ANKRD30B: variants seen among roughly 807,000 people sequenced by gnomAD.
ANKRD30B encodes the protein ankyrin repeat domain 30B.
Under a neutral mutation model 202.2 loss-of-function variants are expected in ANKRD30B, and 144 were observed. The ratio of observed to expected loss-of-function variants is 0.71; its 90% CI spans 0.62 to 0.82. The LOEUF is 0.82. ANKRD30B is among the 40% of genes least tolerant of loss of function. ANKRD30B has a pLI of 0.00. For synonymous variants in ANKRD30B, 508 were observed against 561.3 expected (o/e 0.91, Z 1.34); for missense variants, 1,487 against 1,669.1 (o/e 0.89, Z 1.90).
chr18:14,895,119 C>CTTTATAT, the ANKRD30B span, among the ~76,000 whole-genome samples: 1 of 147,400 alleles, frequency 6.8e-6, no homozygotes, highest in Non-Finnish European at 1.5e-5. Flanking sequence ...ATGGCAACAA[C>CTTTATAT]TGACACTGGG....
chr18:14,900,290 C>T, the ANKRD30B span, among the ~76,000 whole-genome samples: 1 of 152,092 alleles, frequency 6.6e-6, no homozygotes, highest in Non-Finnish European at 1.5e-5. Flanking sequence ...ACTCCTTTCT[C>T]TTATTTGTCA....
At chr18:14,763,615 G>T in intron 6 of ANKRD30B, 71 bp from the exon 7 acceptor site, 2 of 1,569,056 alleles carry the variant, frequency 1.3e-6, no homozygotes, top group Non-Finnish European at 1.7e-6. Context: ...ATAAGTAGAA[G>T]TTTGCCAGGT....
chr18:14,754,547 T>C (rs925509954), intron 3 of ANKRD30B, among the ~76,000 whole-genome samples: 8 of 152,122 alleles, frequency 5.3e-5, no homozygotes, highest in Non-Finnish European at 8.8e-5. Flanking sequence ...ACTCATTTAG[T>C]CAAAAACAAA....
chr18:14,796,267 G>T lies in ANKRD30B; in HGVS notation c.1854+18G>T, dbSNP rs542005142. 4 of 1,608,324 alleles carry T rather than the reference G, an allele frequency of 2.5e-6. No individual in the cohort carries two copies. The Admixed American group carries it at 5.0e-5, about 20-fold the overall frequency. Reference sequence around the variant, plus strand: ...TTCTGAAGGTAATAACTTTTATATTGCTATCTTGAATACTAACTACATATT... The same window carrying T: ...TTCTGAAGGTAATAACTTTTATATTTCTATCTTGAATACTAACTACATATT... On this transcript the variant is annotated intron_variant, in intron 17 of 43. Transcript: ENST00000690538.
chr18:14,811,389 T>A (rs1428516389), intron 28 of ANKRD30B, among the ~76,000 whole-genome samples: 3 of 150,838 alleles, frequency 2.0e-5, no homozygotes, highest in African/African-American at 7.3e-5. Context: ...TTCTTTGTAT[T>A]TTTAGTAGAA....
intron 34 of ANKRD30B, 69 bp downstream of exon 34, chr18:14,831,524 T>G: frequency 1.4e-6 from 1 of 720,746 alleles, no homozygotes; most frequent in Non-Finnish European, 2.3e-6. Flanking sequence ...TTACTTTTCA[T>G]GTTTAGCAGT....
At chr18:14,749,509 A>C (rs1913058059) in intron 1 of ANKRD30B, among the ~76,000 whole-genome samples, 1 of 151,820 alleles carries the variant, frequency 6.6e-6, no homozygotes, top group Non-Finnish European at 1.5e-5. Context: ...CCGTCTCTAC[A>C]AAAATACAAA....
chr18:14,829,680 C>G (rs961720122), intron 33 of ANKRD30B, among the ~76,000 whole-genome samples: 5 of 152,176 alleles, frequency 3.3e-5, no homozygotes, highest in African/African-American at 1.2e-4. Context: ...TCAAAGAAGT[C>G]CTGAATAGAT....
the ANKRD30B span, among the ~76,000 whole-genome samples, chr18:14,862,772 G>A: frequency 1.3e-5 from 2 of 152,244 alleles, no homozygotes; most frequent in Admixed American, 1.3e-4. Context: ...CATGGTGACT[G>A]TACACTGCAA....
At chr18:14,932,910 T>C in the ANKRD30B span, among the ~76,000 whole-genome samples, 1 of 152,204 alleles carries the variant, frequency 6.6e-6, no homozygotes, top group Non-Finnish European at 1.5e-5. Context: ...TATAATGCAT[T>C]ATTCAATCAA....
the ANKRD30B span, among the ~76,000 whole-genome samples, chr18:14,928,080 G>A: frequency 6.6e-6 from 1 of 152,040 alleles, no homozygotes; most frequent in African/African-American, 2.4e-5. Flanking sequence ...CGATTCTCCT[G>A]CCTCAGCTTC....
intron 15 of ANKRD30B, among the ~76,000 whole-genome samples, chr18:14,789,377 A>T (rs1346792289): frequency 6.6e-6 from 1 of 152,116 alleles, no homozygotes; most frequent in Non-Finnish European, 1.5e-5. Context: ...TTTGCTGTGC[A>T]GAAGCTCTTT....
At chr18:14,788,035 G>A (rs901067539) in intron 15 of ANKRD30B, among the ~76,000 whole-genome samples, 8 of 152,042 alleles carry the variant, frequency 5.3e-5, no homozygotes, top group Non-Finnish European at 8.8e-5. Flanking sequence ...CCTGTTTACC[G>A]AAATAAAGCA....
chr18:14,883,371 C>CTG, the ANKRD30B span, among the ~76,000 whole-genome samples: 19,418 of 63,878 alleles, frequency 0.3, 1,716 homozygotes, highest in South Asian at 0.34. Flanking sequence ...GTCTGTCTGT[C>CTG]TCTCTCTCTC....
chr18:14,859,814 GC>G, the ANKRD30B span, among the ~76,000 whole-genome samples: 2 of 24,158 alleles, frequency 8.3e-5, no homozygotes, highest in African/African-American at 2.6e-4. Flanking sequence ...CCCAGATGGG[GC>G]GGCCGGGCAG....
the ANKRD30B span, among the ~76,000 whole-genome samples, chr18:14,875,099 A>G: frequency 6.6e-6 from 1 of 152,208 alleles, no homozygotes; most frequent in African/African-American, 2.4e-5. Context: ...TAGCAGGGGC[A>G]TGAGGAATCA....
the ANKRD30B span, among the ~76,000 whole-genome samples, chr18:14,862,924 G>A: frequency 6.6e-6 from 1 of 152,238 alleles, no homozygotes; most frequent in Non-Finnish European, 1.5e-5. Flanking sequence ...TTTGCCTGAG[G>A]CCTGTTGCCC....
chr18:14,890,266 T>A, the ANKRD30B span, among the ~76,000 whole-genome samples: 1 of 152,034 alleles, frequency 6.6e-6, no homozygotes, highest in Non-Finnish European at 1.5e-5. Flanking sequence ...ACCAGAATAG[T>A]CATTATATAA....
chr18:14,863,577 A>G, the ANKRD30B span, among the ~76,000 whole-genome samples: 2 of 152,232 alleles, frequency 1.3e-5, no homozygotes, highest in Non-Finnish European at 2.9e-5. Context: ...AAAAAATCTG[A>G]ATAAACCAGT....
Sources: allele counts gnomAD v4.1 joint callset (sites outside exome capture counted in the v4.1 genomes callset), GRCh38; gene constraint gnomAD v4.1.1; transcripts MANE v1.5; gene names NCBI Gene and HGNC (gene_info 2026-07-23, HGNC 2026-07-21).